The following PTH1R variants were observed in gnomAD, a reference collection of about 807,000 sequenced individuals.
PTH1R encodes parathyroid hormone/parathyroid hormone-related peptide receptor.
PTH1R carries 32 observed loss-of-function variants against 70.7 expected under a neutral mutation model. The ratio of observed to expected loss-of-function variants is 0.45; its 90% CI spans 0.34 to 0.61. The LOEUF (loss-of-function observed/expected upper bound fraction) is 0.61. Among genes scored for constraint, PTH1R ranks in the 20% least tolerant of loss-of-function variants. The pLI, the probability that PTH1R is intolerant of heterozygous loss-of-function variation, is 0.01. For synonymous variants in PTH1R, 329 were observed against 324.8 expected, an observed-to-expected ratio of 1.01 and a Z score of -0.14; for missense variants, 626 against 792.5, an observed-to-expected ratio of 0.79 and a Z score of 2.52.
intron 10 of PTH1R, 88 bp from the exon 11 acceptor site, chr3:46,900,937 G>A (rs1428594775): frequency 7.0e-7 from 1 of 1,431,310 alleles, no homozygotes; most frequent in Non-Finnish European, 9.6e-7. Flanking sequence ...CAATGGTGGG[G>A]TAAGCTGGGG....
rs66702283 is a variant in PTH1R at position 46,895,063 on chromosome 3, C to CAAAAAAAAAA, written c.179-670_179-661dup. Among the ~76,000 whole-genome samples the CAAAAAAAAAA allele has an allele frequency of 5.7e-5, 3 of 52,862 alleles. 1 individual carries two copies. The highest frequency in any genetic ancestry group is 1.4e-3 in the East Asian group (2 of 1,476). 34.7% of individuals were successfully genotyped at this position (52,862 alleles called of 152,430 possible). On this transcript the variant is annotated intron_variant, in intron 4 of 15. Coordinates refer to ENST00000449590, the MANE Select transcript of PTH1R (RefSeq NM_000316.3). ...TGGGCGATAGAGGGAGACCTTGTCT[C>CAAAAAAAAAA]AAAAAAAAAAACAAAAAAAACAAAC...
chr3:46,898,842 C>T lies in PTH1R; in HGVS notation c.819C>T (p.Thr273=), dbSNP rs1231402301. The T allele has an allele frequency of 6.5e-7, 1 of 1,550,184 alleles. No homozygotes were observed. ...CCCAGGCGCCCCCGCCGCCTGCCACCGCCGCTGCCGGCTACGTGAGTACCC... is the reference window on the plus strand; with the variant it reads ...CCCAGGCGCCCCCGCCGCCTGCCACTGCCGCTGCCGGCTACGTGAGTACCC... ...AIAQAPPPPA[T]AAAGYAGCRV... Residue 273 remains threonine, a synonymous_variant, in exon 9 of 16, where the codon ACC becomes ACT. Transcript: ENST00000449590.
Position 46,903,670 on chromosome 3 carries a change from G to A in PTH1R, c.*14G>A, listed in dbSNP as rs200364287. 1.1e-4 allele frequency: 172 copies of A among 1,605,104 alleles called. 4 individuals carry two copies. The African/African-American group carries it at 2.1e-3, about 20-fold the overall frequency. Reference sequence around the variant, plus strand: ...ACAGTCATGTGACCAGGCGCTGGGGGCTGGACCTGCTGACATAGTGGATGG... The same window carrying A: ...ACAGTCATGTGACCAGGCGCTGGGGACTGGACCTGCTGACATAGTGGATGG... On this transcript the variant is annotated 3_prime_UTR_variant, in exon 16 of 16. Transcript: ENST00000449590. This position sits in a 1 kb window ranked among gnomAD's most constrained non-coding sequence, Gnocchi z 4.4.
Position 46,884,397 on chromosome 3 carries a change from G to A in PTH1R, c.75+763G>A, listed in dbSNP as rs1172476889. Among the ~76,000 whole-genome samples, 1 of 151,598 alleles carries A rather than the reference G, an allele frequency of 6.6e-6. No homozygotes were observed. Among genetic ancestry groups the A allele is most frequent in the African/African-American group, 2.4e-5 (1 of 40,886 alleles). ...AGGAGAGATCCCCCCAGCTGGAGGG[G>A]TGGACAGACTAAGAACAGCAAAAAA... On this transcript the variant is annotated intron_variant, in intron 3 of 15. Transcript: ENST00000449590. This position sits in a 1 kb window ranked among gnomAD's most constrained non-coding sequence, Gnocchi z 4.8.
rs553044993 is a variant in PTH1R, at chr3:46,889,323, G to A, written c.76-4584G>A. 4.5e-4 allele frequency among the ~76,000 whole-genome samples: 68 copies of A among 152,294 alleles called. No individual in the cohort carries two copies. The South Asian group carries it at 8.1e-3, about 18-fold the overall frequency. On this transcript the variant is annotated intron_variant, in intron 3 of 15. Transcript: ENST00000449590. ...GTCTACACACCTCTGCTCCTAAATC[G>A]GCTTCGGGGAGGCTGCCTTAGGGGA...
chr3:46,899,533 G>A, intron 10 of PTH1R, 77 bp downstream of exon 10: 1 of 1,547,722 alleles, frequency 6.5e-7, no homozygotes, highest in Admixed American at 1.7e-5. Flanking sequence ...GCCCCTGGGG[G>A]GAGGCGCCCA....
At chr3:46,898,593 A>G in intron 8 of PTH1R, 69 bp from the exon 9 acceptor site, 5 of 1,603,696 alleles carry the variant, frequency 3.1e-6, no homozygotes, top group Non-Finnish European at 4.2e-6. Flanking sequence ...ACGGCGCACA[A>G]CCCAGCTTCC....
rs886445702 is a variant in PTH1R at position 46,895,819 on chromosome 3, A to G, written c.263A>G (p.Tyr88Cys). The G allele has an allele frequency of 6.2e-7, 1 of 1,614,030 alleles. No individual in the cohort carries two copies. The highest frequency in any genetic ancestry group is 8.5e-7 in the Non-Finnish European group (1 of 1,180,018). Reference protein sequence around the residue: ...PRKDKASGKLYPESEEDKEAP... With the variant: ...PRKDKASGKLCPESEEDKEAP... ...AAAGATAAGGCATCTGGGAAGCTCT[A>G]CCCTGAGTCTGAGGAGGACAAGGAG... is the stretch of plus-strand genomic sequence containing the variant. The change falls in exon 5 of 16, where the codon TAC (tyrosine) becomes TGC (cysteine). Residue 88 changes from tyrosine to cysteine, a missense_variant. Tyr to Cys is a radical substitution (Grantham distance 194). This residue lies in a region of PTH1R where 123 missense variants were observed against 125.7 expected (regional missense o/e 0.98). Transcript: ENST00000449590.
Position 46,903,484 on chromosome 3 carries a change from A to G in PTH1R, c.1610A>G (p.His537Arg), listed in dbSNP as rs1286720255. 1 of 1,613,824 alleles carries G rather than the reference A, an allele frequency of 6.2e-7. No individual in the cohort carries two copies. Among genetic ancestry groups the G allele is most frequent in the Non-Finnish European group, 8.5e-7 (1 of 1,180,008 alleles). The change falls in exon 16 of 16, where the codon CAT becomes CGT. Residue 537 changes from histidine to arginine, a missense_variant. Around this residue, in one of 3 missense-constraint regions of PTH1R, gnomAD observed 495 missense variants for 638.7 expected, o/e 0.77. Transcript: ENST00000449590. The surrounding 1 kb of genome is among the most constrained non-coding windows in gnomAD (Gnocchi z 4.4). ...AACGGCCACCCTCAGCTGCCTGGCC[A>G]TGCCAAGCCAGGGACCCCAGCCCTG... The part of the protein sequence containing the change: ...TTNGHPQLPG[H>R]AKPGTPALET...
In PTH1R at chr3:46,879,964, G is replaced by A. The variant is rs1326420561; in HGVS notation, c.-105-1098G>A. Among the ~76,000 whole-genome samples, 8 of 151,240 alleles carry A rather than the reference G, an allele frequency of 5.3e-5. No homozygotes were observed. Among genetic ancestry groups the A allele is most frequent in the African/African-American group, 9.7e-5 (4 of 41,096 alleles). Reference sequence around the variant, plus strand: ...TGAGGCCAGAGAATTGCTTGAACCCGGGAGGTGGAGGTTGCAGTCAGCCGA... The same window carrying A: ...TGAGGCCAGAGAATTGCTTGAACCCAGGAGGTGGAGGTTGCAGTCAGCCGA... On this transcript the variant is annotated intron_variant, in intron 1 of 15. Transcript: ENST00000449590. The surrounding 1 kb of genome is among the most constrained non-coding windows in gnomAD (Gnocchi z 4.7).
At chr3:46,888,399 C>T (rs755460930) in intron 3 of PTH1R, among the ~76,000 whole-genome samples, 13 of 152,328 alleles carry the variant, frequency 8.5e-5, no homozygotes, top group East Asian at 1.9e-4. Context: ...GGGTTTTCTT[C>T]GGAATGTTTT....
chr3:46,900,013 C>G (rs781438934), intron 10 of PTH1R, among the ~76,000 whole-genome samples: 25 of 152,238 alleles, frequency 1.6e-4, no homozygotes, highest in African/African-American at 5.5e-4. Flanking sequence ...CCCAGCCCCC[C>G]ACAGGCTCTG....
intron 3 of PTH1R, among the ~76,000 whole-genome samples, chr3:46,885,079 C>T (rs1272179998): frequency 6.6e-6 from 1 of 152,116 alleles, no homozygotes; most frequent in Non-Finnish European, 1.5e-5. Context: ...CCAACCCCAC[C>T]CCCGGAGTTT....
At chr3:46,898,328 C>T (rs199868122) in intron 7 of PTH1R, 50 bp from the exon 8 acceptor site, 2 of 1,590,590 alleles carry the variant, frequency 1.3e-6, no homozygotes, top group Non-Finnish European at 1.7e-6. Flanking sequence ...TACCCTGATG[C>T]TCTCCCTGGG....
In PTH1R at chr3:46,898,445, T is replaced by C. The variant is rs769180471; in HGVS notation, c.611T>C (p.Val204Ala). The C allele has an allele frequency of 6.2e-7, 1 of 1,614,022 alleles. No individual in the cohort carries two copies. The highest frequency in any genetic ancestry group is 1.1e-5 in the South Asian group (1 of 91,080). The change falls in exon 8 of 16, where the codon GTA becomes GCA. Residue 204 changes from valine to alanine, a missense_variant. By Grantham distance (64) the Val-to-Ala change is moderately conservative. Around this residue, in one of 3 missense-constraint regions of PTH1R, gnomAD observed 495 missense variants for 638.7 expected, o/e 0.77. Coordinates refer to ENST00000449590, the MANE Select transcript of PTH1R (RefSeq NM_000316.3). ...GYSVSLASLT[V>A]AVLILAYFRR... The stretch of plus-strand genomic sequence containing the variant: ...TCCGTGTCCCTGGCGTCCCTCACCG[T>C]AGCTGTGCTCATCCTGGCCTACTTT...
Position 46,902,866 on chromosome 3 carries a change from A to T in PTH1R, c.1395+76A>T. 6.4e-7 allele frequency: 1 copy of T among 1,570,924 alleles called. No individual in the cohort carries two copies. ...AGGCTTCCTCAAGGCTCATTTCTCCATTCTTCCACCCTGTTATTTCTTTGT... is the reference window on the plus strand; with the variant it reads ...AGGCTTCCTCAAGGCTCATTTCTCCTTTCTTCCACCCTGTTATTTCTTTGT... On this transcript the variant is annotated intron_variant, in intron 15 of 15. Transcript: ENST00000449590. This position sits in a 1 kb window ranked among gnomAD's most constrained non-coding sequence, Gnocchi z 5.4.
intron 4 of PTH1R, 109 bp downstream of exon 4, chr3:46,894,118 C>A: frequency 8.3e-7 from 1 of 1,203,040 alleles, no homozygotes; most frequent in Non-Finnish European, 1.2e-6. Flanking sequence ...TGGGGGCGGA[C>A]TTAGGTAAAG....
chr3:46,895,583 C>T lies in PTH1R; in HGVS notation c.179-152C>T, dbSNP rs1284746176. The T allele has an allele frequency of 2.6e-6, 3 of 1,133,336 alleles. No individual in the cohort carries two copies. The East Asian group carries it at 7.1e-5, about 27-fold the overall frequency. 70.2% of individuals were successfully genotyped at this position (1,133,336 alleles called of 1,614,324 possible). The stretch of plus-strand genomic sequence containing the variant: ...TTACACTTTGTTAAACACCTCCTCA[C>T]CCATCGTCTCAGATCTCCCAACAGC... On this transcript the variant is annotated intron_variant, in intron 4 of 15. Transcript: ENST00000449590.
chr3:46,886,712 C>T (rs550086577), intron 3 of PTH1R, among the ~76,000 whole-genome samples: 1 of 152,268 alleles, frequency 6.6e-6, no homozygotes, highest in African/African-American at 2.4e-5. Context: ...AGTGGCTGTC[C>T]CCAGATTCTG....
Sources: allele counts gnomAD v4.1 joint callset (sites outside exome capture counted in the v4.1 genomes callset), GRCh38; gene constraint gnomAD v4.1.1; regional missense constraint gnomAD v4.1.1; non-coding constraint Gnocchi (gnomAD v3.1); transcripts MANE v1.5; gene names NCBI Gene and HGNC (gene_info 2026-07-23, HGNC 2026-07-21).